The following AZIN1 variants were observed in gnomAD, a reference collection of about 807,000 sequenced individuals.
The protein encoded by AZIN1 is antizyme inhibitor 1, also known as ornithine decarboxylase antizyme inhibitor.
AZIN1 carries 12 observed loss-of-function variants against 47.4 expected under a neutral mutation model. That is an observed-to-expected ratio of 0.25 (90% CI 0.16 to 0.41). The LOEUF is 0.41. Ranked by LOEUF, AZIN1 falls within the 10% of genes least tolerant of loss-of-function variation. The probability of loss-of-function intolerance (pLI) is 1.00; values close to 1 mark genes in which losing one functional copy is unlikely to be tolerated. For synonymous variants in AZIN1, 155 were observed against 176.3 expected (o/e 0.88, Z 0.96); for missense variants, 410 against 532.4 (o/e 0.77, Z 2.26).
chr8:102,839,006 T>A, intron 4 of AZIN1, 90 bp from the exon 5 acceptor site: 1 of 1,163,492 alleles, frequency 8.6e-7, no homozygotes, highest in Non-Finnish European at 1.2e-6. Context: ...CCACCCCTTT[T>A]AAAACCAGGG....
intron 2 of AZIN1, among the ~76,000 whole-genome samples, chr8:102,856,515 T>C (rs897379440): frequency 6.6e-6 from 1 of 152,198 alleles, no homozygotes; most frequent in African/African-American, 2.4e-5. Flanking sequence ...CTCAAGTTTC[T>C]AAGAGGAAAC....
At chr8:102,858,382 CCAAGT>C (rs1274465814) in intron 1 of AZIN1, among the ~76,000 whole-genome samples, 1 of 152,168 alleles carries the variant, frequency 6.6e-6, no homozygotes, top group African/African-American at 2.4e-5. Context: ...AGCCATCTTA[CCAAGT>C]CGTTTTATCT....
chr8:102,829,529 G>T (rs200719636), intron 10 of AZIN1, 43 bp from the exon 11 acceptor site: 1 of 1,493,768 alleles, frequency 6.7e-7, no homozygotes, highest in Non-Finnish European at 9.2e-7. Context: ...TCATACTTAC[G>T]CAGGTATTGA....
At chr8:102,832,300 T>A (rs1477580678) in intron 9 of AZIN1, among the ~76,000 whole-genome samples, 1 of 152,124 alleles carries the variant, frequency 6.6e-6, no homozygotes, top group Admixed American at 6.5e-5. Flanking sequence ...TCCTATGGGC[T>A]GTGGATTAGT....
chr8:102,844,977 C>A (rs1168090144), intron 2 of AZIN1, among the ~76,000 whole-genome samples: 1 of 152,142 alleles, frequency 6.6e-6, no homozygotes, highest in Non-Finnish European at 1.5e-5. Flanking sequence ...GAAATAACTT[C>A]GACATAAATG....
In AZIN1 at chr8:102,827,863, A is replaced by C. The variant is rs528405299; in HGVS notation, c.*704T>G. ...CTTTACTTAAATTACTAATTAAATA[A>C]ATGAAAAATGCACCGAGCCAAACAA... On this transcript the variant is annotated 3_prime_UTR_variant, in exon 12 of 12. Coordinates refer to ENST00000337198, the MANE Select transcript of AZIN1 (RefSeq NM_148174.4). The C allele has an allele frequency of 1.3e-5, 2 of 152,600 alleles. No homozygotes were observed. The highest frequency in any genetic ancestry group is 1.5e-5 in the Non-Finnish European group (1 of 68,028). 9.5% of individuals were successfully genotyped at this position (152,600 alleles called of 1,614,324 possible).
chr8:102,842,008 G>A (rs1258400054), intron 3 of AZIN1, among the ~76,000 whole-genome samples: 1 of 152,044 alleles, frequency 6.6e-6, no homozygotes, highest in African/African-American at 2.4e-5. Flanking sequence ...CTACTTGGGA[G>A]GCTAAGGCAG....
At chr8:102,863,414 C>A (rs1359364451) in intron 1 of AZIN1, among the ~76,000 whole-genome samples, 7 of 151,904 alleles carry the variant, frequency 4.6e-5, no homozygotes, top group African/African-American at 1.4e-4. Flanking sequence ...CCCCTCAGGG[C>A]TGCGGCCGGG....
intron 2 of AZIN1, chr8:102,850,011 C>T (rs947045696): frequency 6.6e-6 from 1 of 152,168 alleles, no homozygotes; most frequent in African/African-American, 2.4e-5. Context: ...GCTACAAAGG[C>T]TTCTACAGTT....
At chr8:102,843,489 A>C (rs776128193) in intron 3 of AZIN1, 62 bp downstream of exon 3, 14 of 1,435,576 alleles carry the variant, frequency 9.8e-6, no homozygotes, top group Non-Finnish European at 1.3e-5. Context: ...CTTGGAAATT[A>C]AAAAGCACTC....
chr8:102,834,300 A>C (rs1250142665), intron 7 of AZIN1, 37 bp from the exon 8 acceptor site: 32 of 1,534,738 alleles, frequency 2.1e-5, no homozygotes, highest in Non-Finnish European at 2.8e-5. Flanking sequence ...TGTTTTTCCA[A>C]ATTGTAATGG....
rs1427898020 is a variant in AZIN1 at position 102,833,141 on chromosome 8, T to C, written c.819A>G (p.Gly273=). The C allele has an allele frequency of 6.8e-6, 11 of 1,613,164 alleles. No individual in the cohort carries two copies. The highest frequency in any genetic ancestry group is 1.3e-5 in the African/African-American group (1 of 74,918). Residue 273 remains glycine (G), a synonymous_variant, in exon 9 of 12, where the codon GGA becomes GGG. Coordinates refer to ENST00000337198, the MANE Select transcript of AZIN1 (RefSeq NM_148174.4). ...TAAATGCAGAAGACACATAGTAGCTTCCGGGTTCTGAAATTATCTTAACAC... is the reference window on the plus strand; with the variant it reads ...TAAATGCAGAAGACACATAGTAGCTCCCGGGTTCTGAAATTATCTTAACAC... ...GSGVKIISEP[G]SYYVSSAFTL...
chr8:102,853,301 G>A (rs371534898), intron 2 of AZIN1, among the ~76,000 whole-genome samples: 3 of 152,212 alleles, frequency 2.0e-5, no homozygotes, highest in African/African-American at 4.8e-5. Flanking sequence ...TCAGGAGTTC[G>A]AGACAAGTCT....
chr8:102,842,878 G>A (rs2513913), intron 3 of AZIN1, among the ~76,000 whole-genome samples: 56,982 of 151,564 alleles, frequency 0.38, 11,660 homozygotes, highest in South Asian at 0.46. Context: ...CTGAACTCCA[G>A]CCTGGGCAAC....
At chr8:102,845,395 C>T (rs191653233) in intron 2 of AZIN1, among the ~76,000 whole-genome samples, 3 of 152,268 alleles carry the variant, frequency 2.0e-5, no homozygotes, top group Admixed American at 1.3e-4. Flanking sequence ...CCATATAGCA[C>T]AGACTGAAAA....
In AZIN1 at chr8:102,829,529, G is replaced by A. The variant is rs200719636; in HGVS notation, c.1021-43C>T. On this transcript the variant is annotated intron_variant, in intron 10 of 11. Coordinates refer to ENST00000337198, the MANE Select transcript of AZIN1 (RefSeq NM_148174.4). Reference sequence around the variant, plus strand: ...CAATTTAATTTTTACTCATACTTACGCAGGTATTGAATTTGTGAGTAAATA... The same window carrying A: ...CAATTTAATTTTTACTCATACTTACACAGGTATTGAATTTGTGAGTAAATA... The A allele has an allele frequency of 2.2e-5, 33 of 1,493,770 alleles. No homozygotes were observed. In the African/African-American group the frequency reaches 4.1e-4, roughly 18 times the overall value. The allele number at this position is 1,493,770 out of a possible 1,614,324, so 92.5% of individuals were successfully genotyped here. A position where few individuals can be genotyped will look rare whatever the true frequency, so the allele number is the denominator to read the frequency against.
chr8:102,842,405 C>T (rs910915895), intron 3 of AZIN1, among the ~76,000 whole-genome samples: 1 of 151,564 alleles, frequency 6.6e-6, no homozygotes, highest in Non-Finnish European at 1.5e-5. Context: ...ACCCCATCTA[C>T]TAAAAATACA....
At chr8:102,841,171 G>A (rs1332709992) in intron 3 of AZIN1, among the ~76,000 whole-genome samples, 1 of 152,186 alleles carries the variant, frequency 6.6e-6, no homozygotes, top group Non-Finnish European at 1.5e-5. Flanking sequence ...AAATAAGTTA[G>A]GAGGTCACTA....
chr8:102,838,423 TCAAA>T (rs1169473092), intron 5 of AZIN1, among the ~76,000 whole-genome samples: 5 of 152,144 alleles, frequency 3.3e-5, no homozygotes, highest in Non-Finnish European at 7.4e-5. Flanking sequence ...TTATCAAACA[TCAAA>T]CAAAGTTATA....
Sources: gnomAD v4.1 joint callset for allele counts (sites outside exome capture counted in the v4.1 genomes callset) on GRCh38, gnomAD v4.1.1 for gene constraint, MANE v1.5 for transcripts, NCBI Gene and HGNC (gene_info 2026-07-23, HGNC 2026-07-21) for gene names.